DNAI7: variants seen among roughly 807,000 people sequenced by gnomAD.
DNAI7 encodes cancer susceptibility 1.
In DNAI7, 78 loss-of-function variants were observed where a neutral mutation model predicts 86.6. The ratio of observed to expected loss-of-function variants is 0.90; its 90% CI spans 0.75 to 1.09. The LOEUF (loss-of-function observed/expected upper bound fraction) is 1.09, where lower values mean the gene tolerates loss of function less well. Ranked by LOEUF, DNAI7 falls within the 50% of genes least tolerant of loss-of-function variation. DNAI7 has a pLI of 0.00. For synonymous variants in DNAI7, 274 were observed against 273.0 expected (o/e 1.00, Z -0.04); for missense variants, 753 against 810.2 (o/e 0.93, Z 0.86).
At chr12:25,186,738 A>G (rs986614874) in intron 2 of DNAI7, among the ~76,000 whole-genome samples, 1 of 152,174 alleles carries the variant, frequency 6.6e-6, no homozygotes, top group Non-Finnish European at 1.5e-5. Context: ...CTTTGTAAGA[A>G]GGGTGATTGT....
chr12:25,129,135 T>C (rs928624790), intron 9 of DNAI7, among the ~76,000 whole-genome samples: 2 of 152,206 alleles, frequency 1.3e-5, no homozygotes, highest in Admixed American at 1.3e-4. Context: ...TCATTTTAAA[T>C]AGCTGATTCC....
chr12:25,150,051 G>T (rs1351908575), intron 6 of DNAI7, among the ~76,000 whole-genome samples: 1 of 152,180 alleles, frequency 6.6e-6, no homozygotes, highest in Non-Finnish European at 1.5e-5. Flanking sequence ...AGAAAGACCA[G>T]TTCTTTACAG....
Position 25,149,002 on chromosome 12 carries a change from CT to C in DNAI7, c.585+625del, listed in dbSNP as rs1458112843. ...TCTTCTCCTTCTTCTTCTATTCTTA[CT>C]TTTATTTTTTTGAGACAGAGTCTGC... On this transcript the variant is annotated intron_variant, in intron 7 of 15. Coordinates refer to ENST00000395987, the MANE Select transcript of DNAI7 (RefSeq NM_018272.5). 4.6e-5 allele frequency among the ~76,000 whole-genome samples: 7 copies of C among 151,952 alleles called. No individual in the cohort carries two copies. In the East Asian group the frequency reaches 1.4e-3, roughly 29 times the overall value.
At chr12:25,146,467 C>T (rs949381714) in intron 8 of DNAI7, among the ~76,000 whole-genome samples, 6 of 151,422 alleles carry the variant, frequency 4.0e-5, no homozygotes, top group Non-Finnish European at 7.4e-5. Flanking sequence ...GGTGTGGTGG[C>T]GTGCACCTGT....
Position 25,121,749 on chromosome 12 carries a change from C to T in DNAI7, c.1239+4G>A. On this transcript the variant is annotated splice_donor_region_variant and intron_variant, in intron 11 of 15. Coordinates refer to ENST00000395987, the MANE Select transcript of DNAI7 (RefSeq NM_018272.5). ...TATAAGTTTTGATTCAAGAATCAACCTACTTCCACAATCATCCATCCCTTC... is the reference window on the plus strand; with the variant it reads ...TATAAGTTTTGATTCAAGAATCAACTTACTTCCACAATCATCCATCCCTTC... 1.3e-6 allele frequency: 2 copies of T among 1,590,650 alleles called. No individual in the cohort carries two copies. The highest frequency in any genetic ancestry group is 1.7e-6 in the Non-Finnish European group (2 of 1,173,504).
At position 25,114,644 on chromosome 12, in the gene DNAI7, A is replaced by G. The variant is rs1201008335; in HGVS notation, c.1611+12T>C. Reference sequence around the variant, plus strand: ...GATACGATAGTACATAACAGCTACAAGAGTAACTCACCTTAATTTGTATTT... The same window carrying G: ...GATACGATAGTACATAACAGCTACAGGAGTAACTCACCTTAATTTGTATTT... On this transcript the variant is annotated intron_variant, in intron 13 of 15. Transcript: ENST00000395987. 2 of 1,562,208 alleles carry G rather than the reference A, an allele frequency of 1.3e-6. No homozygotes were observed. The highest frequency in any genetic ancestry group is 1.4e-5 in the African/African-American group (1 of 73,986).
intron 9 of DNAI7, among the ~76,000 whole-genome samples, chr12:25,139,941 A>G (rs1943986417): frequency 6.6e-6 from 1 of 152,226 alleles, no homozygotes; most frequent in Non-Finnish European, 1.5e-5. Flanking sequence ...GGAAGTCAAT[A>G]AATGTGATAT....
intron 10 of DNAI7, 122 bp downstream of exon 10, chr12:25,123,089 G>C: frequency 1.6e-6 from 1 of 639,026 alleles, no homozygotes; most frequent in East Asian, 3.0e-5. Context: ...AAGGGACTAT[G>C]AAGAATTTTC....
intron 9 of DNAI7, among the ~76,000 whole-genome samples, chr12:25,124,475 G>T (rs1229373057): frequency 6.6e-6 from 1 of 151,830 alleles, no homozygotes; most frequent in African/African-American, 2.4e-5. Context: ...GTAAACAAAT[G>T]GGTATATTTT....
At chr12:25,181,104 G>C (rs890702030) in intron 2 of DNAI7, among the ~76,000 whole-genome samples, 2 of 151,870 alleles carry the variant, frequency 1.3e-5, no homozygotes, top group Admixed American at 6.6e-5. Flanking sequence ...CATCGTGCCC[G>C]GCCTATAATT....
intron 9 of DNAI7, among the ~76,000 whole-genome samples, chr12:25,139,528 T>A (rs1357435447): frequency 6.6e-6 from 1 of 152,156 alleles, no homozygotes. Context: ...TAAAAAAGGA[T>A]GAGTTCCTAT....
chr12:25,146,898 C>T (rs1944912013), intron 8 of DNAI7, 103 bp downstream of exon 8: 3 of 645,896 alleles, frequency 4.6e-6, no homozygotes, highest in East Asian at 5.5e-5. Flanking sequence ...TGGGCTTTTC[C>T]AAACACACCA....
At chr12:25,129,767 A>ATTT (rs35452557) in intron 9 of DNAI7, among the ~76,000 whole-genome samples, 1 of 148,886 alleles carries the variant, frequency 6.7e-6, no homozygotes, top group African/African-American at 2.5e-5. Flanking sequence ...TTTTATTTTT[A>ATTT]TTTTTTTTTT....
At position 25,184,783 on chromosome 12, in the gene DNAI7, T is replaced by C. The variant is rs76482673; in HGVS notation, c.21+5831A>G. Among the ~76,000 whole-genome samples, 527 of 152,250 alleles carry C rather than the reference T, an allele frequency of 3.5e-3. 8 individuals carry two copies. Among genetic ancestry groups the C allele is most frequent in the African/African-American group, 0.012 (508 of 41,528 alleles). On this transcript the variant is annotated intron_variant, in intron 2 of 15. Coordinates refer to ENST00000395987, the MANE Select transcript of DNAI7 (RefSeq NM_018272.5). ...TCATTCCACTGTCTGGCTTTCATTT[T>C]TGCTATGAAGACCAAAGCTCAAGTT...
Position 25,149,196 on chromosome 12 carries a change from C to A in DNAI7, c.585+432G>T, listed in dbSNP as rs1372231062. Among the ~76,000 whole-genome samples, 5 of 151,986 alleles carry A rather than the reference C, an allele frequency of 3.3e-5. No individual in the cohort carries two copies. The South Asian group carries it at 1.0e-3, about 32-fold the overall frequency. Reference sequence around the variant, plus strand: ...CTATCCTATCCTTACATATTATTATCCTAAGAATAATAAGGTTGGTGCAAA... The same window carrying A: ...CTATCCTATCCTTACATATTATTATACTAAGAATAATAAGGTTGGTGCAAA... On this transcript the variant is annotated intron_variant, in intron 7 of 15. Transcript: ENST00000395987.
At chr12:25,189,487 C>T (rs1950314707) in intron 2 of DNAI7, among the ~76,000 whole-genome samples, 1 of 151,916 alleles carries the variant, frequency 6.6e-6, no homozygotes, top group Non-Finnish European at 1.5e-5. Flanking sequence ...CCAAAAAATA[C>T]AAAAATTAGA....
chr12:25,164,186 T>G (rs1258447118), intron 2 of DNAI7, among the ~76,000 whole-genome samples: 1 of 151,090 alleles, frequency 6.6e-6, no homozygotes, highest in Non-Finnish European at 1.5e-5. Flanking sequence ...TCTCTCCATG[T>G]CTACCCCTTC....
rs531473329 is a variant in DNAI7 at position 25,183,872 on chromosome 12, C to T, written c.21+6742G>A. ...TACTATCTTACTTTTGAGTGTTATTCTGTATTATTTCTTGGTAACTTTTCA... is the reference window on the plus strand; with the variant it reads ...TACTATCTTACTTTTGAGTGTTATTTTGTATTATTTCTTGGTAACTTTTCA... On this transcript the variant is annotated intron_variant, in intron 2 of 15. Transcript: ENST00000395987. 8.7e-4 allele frequency among the ~76,000 whole-genome samples: 132 copies of T among 152,066 alleles called. 1 individual carries two copies. The highest frequency in any genetic ancestry group is 1.5e-3 in the Admixed American group (23 of 15,272).
chr12:25,139,376 C>A (rs893969192), intron 9 of DNAI7, among the ~76,000 whole-genome samples: 1 of 152,100 alleles, frequency 6.6e-6, no homozygotes, highest in African/African-American at 2.4e-5. Context: ...CCAGTATCAC[C>A]CTAATACCAA....
Sources: gnomAD v4.1 joint callset for allele counts (sites outside exome capture counted in the v4.1 genomes callset) on GRCh38, gnomAD v4.1.1 for gene constraint, MANE v1.5 for transcripts, NCBI Gene and HGNC (gene_info 2026-07-23, HGNC 2026-07-21) for gene names.